Variants in LAMA1 observed in about 807,000 individuals in gnomAD.
LAMA1 encodes the protein laminin subunit alpha-1.
In LAMA1, 219 loss-of-function variants were observed where a neutral mutation model predicts 348.7. That is an observed-to-expected ratio of 0.63 (90% CI 0.56 to 0.70). LAMA1 has a LOEUF of 0.70. LAMA1 is among the 30% of genes least tolerant of loss of function. The pLI, the probability that LAMA1 is intolerant of heterozygous loss-of-function variation, is 0.00. For synonymous variants in LAMA1, 1,487 were observed against 1,491.0 expected (o/e 1.00, Z 0.06); for missense variants, 3,744 against 3,888.0 (o/e 0.96, Z 0.99).
intron 1 of LAMA1, among the ~76,000 whole-genome samples, chr18:7,086,229 C>G (rs1053598612): frequency 1.2e-4 from 19 of 152,116 alleles, no homozygotes; most frequent in Non-Finnish European, 1.5e-5. Flanking sequence ...CTTCTTCTCA[C>G]CGATGTGGAT....
chr18:7,046,414 G>A, intron 5 of LAMA1, 47 bp from the exon 6 acceptor site: 2 of 1,177,222 alleles, frequency 1.7e-6, no homozygotes, highest in Non-Finnish European at 2.5e-6. Context: ...CTAGATTTCA[G>A]TGAAATGAAA....
chr18:7,027,935 T>C (rs2057951969), intron 16 of LAMA1, among the ~76,000 whole-genome samples: 1 of 151,890 alleles, frequency 6.6e-6, no homozygotes, highest in Non-Finnish European at 1.5e-5. Context: ...AGAGAGAGAC[T>C]CCATCTCAAA....
chr18:7,034,755 T>G, intron 13 of LAMA1, 65 bp from the exon 14 acceptor site: 1 of 1,489,384 alleles, frequency 6.7e-7, no homozygotes, highest in African/African-American at 1.4e-5. Flanking sequence ...AAAAATAAAA[T>G]CAAATTTTGT....
At chr18:7,089,368 AAAC>A (rs2058230625) in intron 1 of LAMA1, among the ~76,000 whole-genome samples, 1 of 152,166 alleles carries the variant, frequency 6.6e-6, no homozygotes, top group African/African-American at 2.4e-5. Flanking sequence ...AAAAAAAACA[AAAC>A]AAAACGCTGG....
chr18:7,084,590 A>G (rs1426887327), intron 1 of LAMA1, among the ~76,000 whole-genome samples: 15 of 152,218 alleles, frequency 9.9e-5, no homozygotes, highest in Admixed American at 9.8e-4. Context: ...TTTAACCAGC[A>G]GCTAAAAAAT....
Position 7,042,169 on chromosome 18 carries a change from C to A in LAMA1, c.1237G>T (p.Asp413Tyr). ...GSLSSVCIKD[D>Y]LHSDLHNGKQ... ...CCATTGTGTAAGTCAGAATGGAGGT[C>A]ATCCTTAATACAGACAGAACTGAGG... The change falls in exon 9 of 63, where the codon GAC (aspartate) becomes TAC (tyrosine). Residue 413 changes from aspartate (D) to tyrosine (Y), a missense_variant. Asp to Tyr is a radical substitution (Grantham distance 160). This residue lies in a region of LAMA1 where 1,529 missense variants were observed against 1,689.4 expected (regional missense o/e 0.91). Transcript: ENST00000389658. 3 of 1,611,898 alleles carry A rather than the reference C, an allele frequency of 1.9e-6. No homozygotes were observed. The highest frequency in any genetic ancestry group is 2.2e-5 in the South Asian group (2 of 90,644).
At chr18:7,073,810 C>T (rs1224600292) in intron 3 of LAMA1, among the ~76,000 whole-genome samples, 1 of 151,130 alleles carries the variant, frequency 6.6e-6, no homozygotes, top group Non-Finnish European at 1.5e-5. Flanking sequence ...TTCTGAGGAA[C>T]AACCATACTG....
rs983138662 is a variant in LAMA1, at chr18:6,958,046, T to C, written c.7964+431A>G. ...CTGCCTGCCTTGGACCCCCAAAGGC[T>C]TCTGGTTCTTAATTATACAGTAATT... On this transcript the variant is annotated intron_variant, in intron 55 of 62. Coordinates refer to ENST00000389658, the MANE Select transcript of LAMA1 (RefSeq NM_005559.4). Among the ~76,000 whole-genome samples, 4 of 152,126 alleles carry C rather than the reference T, an allele frequency of 2.6e-5. No homozygotes were observed. The East Asian group carries it at 7.7e-4, about 29-fold the overall frequency.
chr18:7,039,019 A>T lies in LAMA1; in HGVS notation c.1423-69T>A, dbSNP rs1316304068. ...TGTCCAGAGAGAATAAAATGACATT[A>T]ACAAGATAGGTGTTCGGTGATCCAC... On this transcript the variant is annotated intron_variant, in intron 10 of 62. Coordinates refer to ENST00000389658, the MANE Select transcript of LAMA1 (RefSeq NM_005559.4). 4 of 1,305,162 alleles carry T rather than the reference A, an allele frequency of 3.1e-6. No individual in the cohort carries two copies. In the African/African-American group the frequency reaches 5.8e-5, roughly 19 times the overall value. The allele number at this position is 1,305,162 out of a possible 1,614,324, so 80.8% of individuals were successfully genotyped here. A position where few individuals can be genotyped will look rare whatever the true frequency, so the allele number is the denominator to read the frequency against.
Position 7,015,725 on chromosome 18 carries a change from G to A in LAMA1, c.3123C>T (p.Cys1041=). 6.2e-7 allele frequency: 1 copy of A among 1,613,638 alleles called. No homozygotes were observed. Among genetic ancestry groups the A allele is most frequent in the Non-Finnish European group, 8.5e-7 (1 of 1,179,990 alleles). The change falls in exon 22 of 63, where the codon TGC becomes TGT. Residue 1041 remains cysteine (C), a synonymous_variant. Transcript: ENST00000389658. ...GAGCGTGGATGACAGTGCTCACCTGGCACCCCACCTCCGCATCGTAGCCCC... is the reference window on the plus strand; with the variant it reads ...GAGCGTGGATGACAGTGCTCACCTGACACCCCACCTCCGCATCGTAGCCCC... ...GHWGYDAEVG[C]QACNCSLVGS...
chr18:7,031,281 G>A (rs1344885848), intron 16 of LAMA1, among the ~76,000 whole-genome samples: 1 of 152,116 alleles, frequency 6.6e-6, no homozygotes, highest in Non-Finnish European at 1.5e-5. Flanking sequence ...ACCCCAGAGT[G>A]TGGCCTGGCT....
chr18:7,040,826 A>G (rs1211067904), intron 9 of LAMA1, among the ~76,000 whole-genome samples: 1 of 152,228 alleles, frequency 6.6e-6, no homozygotes, highest in Non-Finnish European at 1.5e-5. Context: ...AAGGGTTGAA[A>G]TACTGATACA....
Position 7,034,509 on chromosome 18 carries a change from T to A in LAMA1, c.2021A>T (p.Asn674Ile). 1 of 1,613,952 alleles carries A rather than the reference T, an allele frequency of 6.2e-7. No homozygotes were observed. Among genetic ancestry groups the A allele is most frequent in the Non-Finnish European group, 8.5e-7 (1 of 1,179,956 alleles). The change falls in exon 14 of 63, where the codon AAC becomes ATC. Residue 674 changes from asparagine to isoleucine, a missense_variant. Physicochemically the swap from Asn to Ile is moderately radical, Grantham distance 149. This residue lies in a region of LAMA1 where 1,529 missense variants were observed against 1,689.4 expected (regional missense o/e 0.91). Transcript: ENST00000389658. ...AAGAGCCATTTTTGCAGAATTGTAG[T>A]TGGCTCTGATCAAAAGATGTGTCAC... Reference protein sequence around the residue: ...ANVTHLLIRANYNSAKMALYR... With the variant: ...ANVTHLLIRAIYNSAKMALYR...
In LAMA1 at chr18:6,990,150, T is replaced by G. The variant is rs1479091753; in HGVS notation, c.5168+2411A>C. Reference sequence around the variant, plus strand: ...CCTATAGATGAAAATTTGACCTCTATTTTAAACTTTCTTATTGTATTTAAA... The same window carrying G: ...CCTATAGATGAAAATTTGACCTCTAGTTTAAACTTTCTTATTGTATTTAAA... On this transcript the variant is annotated intron_variant, in intron 36 of 62. Transcript: ENST00000389658. Among the ~76,000 whole-genome samples, 4 of 152,346 alleles carry G rather than the reference T, an allele frequency of 2.6e-5. No homozygotes were observed. In the East Asian group the frequency reaches 7.7e-4, roughly 29 times the overall value.
chr18:7,056,937 T>C (rs2058084462), intron 3 of LAMA1, among the ~76,000 whole-genome samples: 1 of 151,756 alleles, frequency 6.6e-6, no homozygotes, highest in Non-Finnish European at 1.5e-5. Context: ...AGTGGCATGA[T>C]CTTGGCTCAC....
intron 5 of LAMA1, among the ~76,000 whole-genome samples, chr18:7,047,270 C>G (rs956957879): frequency 6.6e-6 from 1 of 152,022 alleles, no homozygotes; most frequent in Admixed American, 6.6e-5. Context: ...GTCTTGATCT[C>G]CTGACCTCGT....
intron 1 of LAMA1, 103 bp from the exon 2 acceptor site, chr18:7,080,560 A>G (rs1365316545): frequency 1.4e-5 from 17 of 1,187,220 alleles, no homozygotes; most frequent in African/African-American, 3.0e-5. Context: ...TTGAAAGTCT[A>G]TGTGCTGAAT....
intron 57 of LAMA1, among the ~76,000 whole-genome samples, chr18:6,953,092 C>T (rs908627573): frequency 1.3e-5 from 2 of 149,786 alleles, no homozygotes; most frequent in African/African-American, 4.9e-5. Flanking sequence ...CTGCCTGTGT[C>T]CAGTGGATCC....
Position 6,950,975 on chromosome 18 carries a change from G to A in LAMA1, c.8208-4C>T. The A allele has an allele frequency of 6.2e-7, 1 of 1,613,054 alleles. No individual in the cohort carries two copies. Among genetic ancestry groups the A allele is most frequent in the Non-Finnish European group, 8.5e-7 (1 of 1,179,706 alleles). On this transcript the variant is annotated splice_polypyrimidine_tract_variant and splice_region_variant and intron_variant, in intron 57 of 62. Coordinates refer to ENST00000389658, the MANE Select transcript of LAMA1 (RefSeq NM_005559.4). ...GATGCTTAGCTCAACCGAGAGCCTG[G>A]GGAAAACAAGTGCTCAGCGTTGAGA... is the stretch of plus-strand genomic sequence containing the variant.
Sources: allele counts gnomAD v4.1 joint callset (sites outside exome capture counted in the v4.1 genomes callset), GRCh38; gene constraint gnomAD v4.1.1; regional missense constraint gnomAD v4.1.1; transcripts MANE v1.5; gene names NCBI Gene and HGNC (gene_info 2026-07-23, HGNC 2026-07-21).